Variants in SOD2 observed in about 807,000 individuals in gnomAD.
SOD2 encodes the protein superoxide dismutase [Mn], mitochondrial.
SOD2 carries 11 observed loss-of-function variants against 27.0 expected under a neutral mutation model. The ratio of observed to expected loss-of-function variants is 0.41; its 90% CI spans 0.26 to 0.67. The LOEUF (loss-of-function observed/expected upper bound fraction) is 0.67. SOD2 is among the 30% of genes least tolerant of loss of function. The pLI, the probability that SOD2 is intolerant of heterozygous loss-of-function variation, is 0.34. For missense variants in SOD2, 250 were observed against 274.5 expected, an observed-to-expected ratio of 0.91 and a Z score of 0.63; for synonymous variants, 105 against 103.0, an observed-to-expected ratio of 1.02 and a Z score of -0.12.
rs1427154409 is a variant in SOD2, at chr6:159,670,043, A to C, written c.*12450T>G. On this transcript the variant is annotated 3_prime_UTR_variant, in exon 5 of 5. Transcript: ENST00000538183. ...GAGAGACAGGATCTCTTTCACCCAG[A>C]CTGGAGTGCAGTGTAGACTCACACT... 6.6e-6 allele frequency: 1 copy of C among 152,194 alleles called. No individual in the cohort carries two copies. The highest frequency in any genetic ancestry group is 1.5e-5 in the Non-Finnish European group (1 of 68,032). The allele number at this position is 152,194 out of a possible 1,614,324, so 9.4% of individuals were successfully genotyped here.
Position 159,670,331 on chromosome 6 carries a change from T to C in SOD2, c.*12162A>G, listed in dbSNP as rs1205832550. 1.3e-5 allele frequency: 2 copies of C among 152,210 alleles called. No individual in the cohort carries two copies. The highest frequency in any genetic ancestry group is 2.9e-5 in the Non-Finnish European group (2 of 68,040). The allele number at this position is 152,210 out of a possible 1,614,324, so 9.4% of individuals were successfully genotyped here. ...CTTGATAGGTGAAGACTTACTTGTGTCATTTTTTAAATTGTTTTCTGGTAA... is the reference window on the plus strand; with the variant it reads ...CTTGATAGGTGAAGACTTACTTGTGCCATTTTTTAAATTGTTTTCTGGTAA... On this transcript the variant is annotated 3_prime_UTR_variant, in exon 5 of 5. Coordinates refer to ENST00000538183, the MANE Select transcript of SOD2 (RefSeq NM_000636.4).
chr6:159,694,303 C>T (rs553624232), upstream of SOD2, among the ~76,000 whole-genome samples: 8 of 152,290 alleles, frequency 5.3e-5, no homozygotes, highest in Admixed American at 5.2e-4. Flanking sequence ...ATCTACACTG[C>T]CATTGGCGGG....
Position 159,740,081 on chromosome 6 carries a change from G to C in SOD2, c.-116+5049C>G, listed in dbSNP as rs143160900. Among the ~76,000 whole-genome samples, 934 of 152,102 alleles carry C rather than the reference G, an allele frequency of 6.1e-3. 5 individuals carry two copies. Among genetic ancestry groups the C allele is most frequent in the Non-Finnish European group, 7.4e-3 (506 of 68,000 alleles). ...GCTGGTCTTGAATGCCTGGCCTGAAGTGATTCTCTCACCTTGGCCTCCCAA... is the reference window on the plus strand; with the variant it reads ...GCTGGTCTTGAATGCCTGGCCTGAACTGATTCTCTCACCTTGGCCTCCCAA... On this transcript the variant is annotated intron_variant, in intron 1 of 3. Transcript: ENST00000537657.
At chr6:159,703,425 A>T (rs1269999779) in intron 1 of SOD2, among the ~76,000 whole-genome samples, 1 of 151,792 alleles carries the variant, frequency 6.6e-6, no homozygotes, top group Non-Finnish European at 1.5e-5. Context: ...TTTTAAAGGA[A>T]GATTTAACAA....
chr6:159,684,765 TTAAAACAC>T (rs1229660001), intron 4 of SOD2, 81 bp downstream of exon 4: 1 of 1,077,922 alleles, frequency 9.3e-7, no homozygotes, highest in Non-Finnish European at 1.3e-6. Context: ...TTACATGTTC[TTAAAACAC>T]TGTTAGTTTT....
chr6:159,755,760 CTTTTCTTTTTTTTTTT>C, intron 1 of SOD2: 1 of 281,890 alleles, frequency 3.5e-6, no homozygotes, highest in South Asian at 2.0e-4. Flanking sequence ...TTTTTTTTTT[CTTTTCTTTTTTTTTTT>C]TTTTTTTTTT....
intron 1 of SOD2, among the ~76,000 whole-genome samples, chr6:159,734,902 C>T (rs1200787415): frequency 6.6e-6 from 1 of 151,454 alleles, no homozygotes; most frequent in Non-Finnish European, 1.5e-5. Flanking sequence ...CACATTTTTT[C>T]TTTGTCTTTT....
exon 1 of SOD2, chr6:159,761,436 A>G (rs1223709293): frequency 2.3e-6 from 1 of 440,384 alleles, no homozygotes; most frequent in African/African-American, 2.0e-5. Flanking sequence ...GTTCACAGCC[A>G]GAGTTGATCT....
At position 159,676,653 on chromosome 6, in the gene SOD2, G is replaced by A. The variant is rs989888156; in HGVS notation, c.*5840C>T. On this transcript the variant is annotated 3_prime_UTR_variant, in exon 5 of 5. Coordinates refer to ENST00000538183, the MANE Select transcript of SOD2 (RefSeq NM_000636.4). ...AGGAGATATACCTAATGTAAATGACGAGTTAATAGGTGCAGCACACCAACA... is the reference window on the plus strand; with the variant it reads ...AGGAGATATACCTAATGTAAATGACAAGTTAATAGGTGCAGCACACCAACA... 2.0e-5 allele frequency: 3 copies of A among 152,176 alleles called. No homozygotes were observed. The highest frequency in any genetic ancestry group is 7.2e-5 in the African/African-American group (3 of 41,498). The allele number at this position is 152,176 out of a possible 1,614,324, so 9.4% of individuals were successfully genotyped here.
At chr6:159,726,933 C>A (rs1438325388) in intron 1 of SOD2, 1 of 1,288,532 alleles carries the variant, frequency 7.8e-7, no homozygotes, top group African/African-American at 1.5e-5. Flanking sequence ...TCCTCCGACA[C>A]GCGGAAGCAT....
intron 1 of SOD2, among the ~76,000 whole-genome samples, chr6:159,716,697 C>T (rs1777926926): frequency 6.6e-6 from 1 of 152,150 alleles, no homozygotes; most frequent in Admixed American, 6.6e-5. Flanking sequence ...ACACTTTCAG[C>T]TGTCACATAT....
intron 1 of SOD2, among the ~76,000 whole-genome samples, chr6:159,710,967 A>C (rs1166943513): frequency 4.4e-4 from 54 of 123,972 alleles, no homozygotes; most frequent in Admixed American, 1.0e-3. Context: ...TCTGACCTCC[A>C]TAACCACCTC....
At position 159,753,294 on chromosome 6, in the gene SOD2, A is replaced by G. The variant is rs1313578443; in HGVS notation, c.-335-4618T>C. 8.5e-5 allele frequency: 87 copies of G among 1,019,608 alleles called. No homozygotes were observed. The East Asian group carries it at 1.5e-3, about 17-fold the overall frequency. The allele number at this position is 1,019,608 out of a possible 1,614,324, so 63.2% of individuals were successfully genotyped here. A position where few individuals can be genotyped will look rare whatever the true frequency, so the allele number is the denominator to read the frequency against. On this transcript the variant is annotated intron_variant, in intron 1 of 7. Transcript: ENST00000546087. ...TTACTGCTGTGTTGGCAAAATACTG[A>G]AATGCAGAAGATGGATGTGTCCCAG...
At chr6:159,746,573 A>G (rs1321993848), upstream of SOD2, among the ~76,000 whole-genome samples, 2 of 152,166 alleles carry the variant, frequency 1.3e-5, no homozygotes, top group Non-Finnish European at 1.5e-5. Context: ...GTCTTTGCCA[A>G]GTACATCAGT....
chr6:159,689,961 GAAAA>G (rs534715127), intron 2 of SOD2, among the ~76,000 whole-genome samples: 1 of 137,052 alleles, frequency 7.3e-6, no homozygotes, highest in Non-Finnish European at 1.6e-5. Context: ...CTCCGTCACA[GAAAA>G]AAAAAAAGAA....
upstream of SOD2, among the ~76,000 whole-genome samples, chr6:159,694,102 C>T (rs1777370181): frequency 1.3e-5 from 2 of 152,352 alleles, no homozygotes; most frequent in Admixed American, 6.5e-5. Context: ...CACTACTAAG[C>T]CCTGGCAGTC....
At chr6:159,693,323 G>GCCCCCCCC (rs1265065197), upstream of SOD2, 2 of 348,378 alleles carry the variant, frequency 5.7e-6, no homozygotes, top group African/African-American at 5.4e-5. Context: ...GGGCACCGCC[G>GCCCCCCCC]CCCCGCCCCC....
chr6:159,712,851 G>A, intron 1 of SOD2: 1 of 606,666 alleles, frequency 1.6e-6, no homozygotes, highest in South Asian at 1.5e-5. Flanking sequence ...ACTTGCCCCT[G>A]CTGTAGATTC....
chr6:159,729,481 C>T (rs572615238), upstream of SOD2, among the ~76,000 whole-genome samples: 126 of 152,156 alleles, frequency 8.3e-4, no homozygotes, highest in Non-Finnish European at 1.4e-3. Context: ...TAAATATTTT[C>T]TGCCTTTGAA....
Sources: allele counts gnomAD v4.1 joint callset (sites outside exome capture counted in the v4.1 genomes callset), GRCh38; gene constraint gnomAD v4.1.1; transcripts MANE v1.5; gene names NCBI Gene and HGNC (gene_info 2026-07-23, HGNC 2026-07-21).